The following CNTN3 variants were observed in gnomAD, a reference collection of about 807,000 sequenced individuals.
CNTN3 encodes the protein contactin 3.
CNTN3 carries 60 observed loss-of-function variants against 119.1 expected under a neutral mutation model. The ratio of observed to expected loss-of-function variants is 0.50; its 90% CI spans 0.41 to 0.62. CNTN3 has a LOEUF of 0.62. Among genes scored for constraint, CNTN3 ranks in the 20% least tolerant of loss-of-function variants. The probability of loss-of-function intolerance (pLI) is 0.00; values close to 1 mark genes in which losing one functional copy is unlikely to be tolerated. For missense variants in CNTN3, 1,101 were observed against 1,242.4 expected (o/e 0.89, Z 1.71); for synonymous variants, 450 against 438.7 (o/e 1.03, Z -0.32).
intron 4 of CNTN3, among the ~76,000 whole-genome samples, chr3:74,447,458 T>C (rs898649897): frequency 6.6e-5 from 10 of 152,202 alleles, no homozygotes; most frequent in Non-Finnish European, 1.0e-4. Context: ...AAGGTGGATC[T>C]GGAAGAAATA....
At chr3:74,587,269 T>C (rs1704610149) in intron 1 of CNTN3, among the ~76,000 whole-genome samples, 1 of 152,068 alleles carries the variant, frequency 6.6e-6, no homozygotes, top group Admixed American at 6.6e-5. Context: ...TGTCATTGTT[T>C]TCCTCCTCAT....
At position 74,347,721 on chromosome 3, in the gene CNTN3, G is replaced by A. The variant is rs113560161; in HGVS notation, c.1365-11063C>T. Among the ~76,000 whole-genome samples the A allele has an allele frequency of 7.7e-3, 1,177 of 152,290 alleles. 9 individuals carry two copies. The highest frequency in any genetic ancestry group is 0.014 in the Non-Finnish European group (966 of 68,026). On this transcript the variant is annotated intron_variant, in intron 11 of 22. Coordinates refer to ENST00000263665, the MANE Select transcript of CNTN3 (RefSeq NM_020872.3). ...CAGAGCCTTACACATGGCAGAGCAC[G>A]TGGTAGGTGTTCCAGATTGCATTTC...
At chr3:74,525,473 A>G (rs1703606562) in intron 1 of CNTN3, among the ~76,000 whole-genome samples, 1 of 151,886 alleles carries the variant, frequency 6.6e-6, no homozygotes, top group African/African-American at 2.4e-5. Context: ...GAGGTGACAT[A>G]TTAAAGCTCT....
intron 1 of CNTN3, among the ~76,000 whole-genome samples, chr3:74,572,184 A>G (rs968702655): frequency 8.5e-5 from 13 of 152,232 alleles, no homozygotes; most frequent in African/African-American, 3.1e-4. Flanking sequence ...TACTAGAGGA[A>G]GTGAAATTAG....
chr3:74,269,558 T>A (rs913651711), intron 20 of CNTN3, among the ~76,000 whole-genome samples: 2 of 152,188 alleles, frequency 1.3e-5, no homozygotes, highest in African/African-American at 4.8e-5. Flanking sequence ...TGTACATACA[T>A]AATCTGGACC....
chr3:74,297,218 A>T (rs1472553803), intron 18 of CNTN3, among the ~76,000 whole-genome samples: 1 of 152,152 alleles, frequency 6.6e-6, no homozygotes, highest in African/African-American at 2.4e-5. Context: ...TCCAAGGGGT[A>T]TATTTTTATT....
rs145957905 is a variant in CNTN3 at position 74,605,385 on chromosome 3, T to C, written c.-81+9006A>G. Among the ~76,000 whole-genome samples, 471 of 152,256 alleles carry C rather than the reference T, an allele frequency of 3.1e-3. 2 individuals carry two copies. Among genetic ancestry groups the C allele is most frequent in the Admixed American group, 9.9e-3 (151 of 15,284 alleles). The stretch of plus-strand genomic sequence containing the variant: ...GTGTACATATTTTAAGACATCATGT[T>C]GTATACAATAAATATATATAATTTT... On this transcript the variant is annotated intron_variant, in intron 1 of 22. Transcript: ENST00000263665.
At chr3:74,563,248 A>T (rs1704179245) in intron 1 of CNTN3, among the ~76,000 whole-genome samples, 1 of 152,156 alleles carries the variant, frequency 6.6e-6, no homozygotes, top group South Asian at 2.1e-4. Context: ...TACCTTTTTC[A>T]CTTGAAACCC....
At chr3:74,532,574 T>C (rs958098007) in intron 1 of CNTN3, among the ~76,000 whole-genome samples, 3 of 151,976 alleles carry the variant, frequency 2.0e-5, no homozygotes, top group Admixed American at 2.0e-4. Flanking sequence ...GACTTGATCA[T>C]TGAGATGACT....
At position 74,365,590 on chromosome 3, in the gene CNTN3, T is replaced by C; in HGVS notation, c.1059A>G (p.Lys353=). The change falls in exon 9 of 23, where the codon AAA becomes AAG. Residue 353 remains lysine (K), a synonymous_variant. Transcript: ENST00000263665. ...GKPKPSYRWL[K]NGAALVLEER... ...CCTCTAGCACCAGGGCTGCTCCATT[T>C]TTCAGCCATCGGTAGGAAGGCTTGG... The C allele has an allele frequency of 1.2e-6, 2 of 1,613,482 alleles. No individual in the cohort carries two copies. Among genetic ancestry groups the C allele is most frequent in the Non-Finnish European group, 1.7e-6 (2 of 1,179,530 alleles).
intron 5 of CNTN3, among the ~76,000 whole-genome samples, chr3:74,416,732 A>T (rs1242038053): frequency 1.3e-5 from 2 of 152,176 alleles, no homozygotes; most frequent in Non-Finnish European, 2.9e-5. Context: ...TCACACCTGT[A>T]ATCCCAGCAC....
chr3:74,283,226 C>G (rs539979473), intron 20 of CNTN3, among the ~76,000 whole-genome samples: 164 of 152,256 alleles, frequency 1.1e-3, no homozygotes, highest in African/African-American at 3.8e-3. Context: ...TCTGCAATGT[C>G]AGTACCATTA....
intron 13 of CNTN3, among the ~76,000 whole-genome samples, chr3:74,325,519 A>G (rs1703107268): frequency 6.6e-6 from 1 of 152,178 alleles, no homozygotes; most frequent in Non-Finnish European, 1.5e-5. Context: ...TTTTAAAAAA[A>G]TGAAGGAAAA....
chr3:74,568,176 A>G (rs554187556), intron 1 of CNTN3, among the ~76,000 whole-genome samples: 11 of 147,882 alleles, frequency 7.4e-5, no homozygotes, highest in African/African-American at 2.7e-4. Context: ...TTTAAATAGG[A>G]ATTACTTAAT....
intron 5 of CNTN3, among the ~76,000 whole-genome samples, chr3:74,399,346 G>A (rs541399707): frequency 1.3e-5 from 2 of 151,914 alleles, no homozygotes; most frequent in African/African-American, 2.4e-5. Context: ...CCATCCATGT[G>A]ATCATTTGTT....
intron 13 of CNTN3, among the ~76,000 whole-genome samples, chr3:74,324,201 C>A (rs1319524314): frequency 6.2e-5 from 9 of 146,082 alleles, no homozygotes; most frequent in African/African-American, 2.3e-4. Flanking sequence ...CCCTCTCAAA[C>A]TAACTCTTCT....
chr3:74,336,792 G>T, intron 11 of CNTN3, 134 bp from the exon 12 acceptor site: 2 of 591,818 alleles, frequency 3.4e-6, no homozygotes, highest in South Asian at 3.8e-5. Context: ...TTAGCTTTTT[G>T]GGAATACAAA....
At chr3:74,505,539 A>ACGG (rs1559637228) in intron 2 of CNTN3, among the ~76,000 whole-genome samples, 1 of 151,552 alleles carries the variant, frequency 6.6e-6, no homozygotes, top group African/African-American at 2.4e-5. Context: ...CATACACACA[A>ACGG]TATGTTACAG....
chr3:74,336,069 G>A (rs1703387065), intron 12 of CNTN3, among the ~76,000 whole-genome samples: 1 of 151,984 alleles, frequency 6.6e-6, no homozygotes, highest in Admixed American at 6.6e-5. Context: ...TACAGCCCAA[G>A]CAACTGGCAC....
Sources: gnomAD v4.1 joint callset for allele counts (sites outside exome capture counted in the v4.1 genomes callset) on GRCh38, gnomAD v4.1.1 for gene constraint, MANE v1.5 for transcripts, NCBI Gene and HGNC (gene_info 2026-07-23, HGNC 2026-07-21) for gene names.